Variants in ENTREP2 observed in about 807,000 individuals in gnomAD.
ENTREP2 encodes protein ENTREP2.
chr15:29,351,561 C>G, the ENTREP2 span, among the ~76,000 whole-genome samples: 1 of 152,156 alleles, frequency 6.6e-6, no homozygotes, highest in Non-Finnish European at 1.5e-5. Flanking sequence ...AGATGATTAA[C>G]AATATCAATA....
the ENTREP2 span, among the ~76,000 whole-genome samples, chr15:29,638,550 T>C: frequency 1.6e-3 from 244 of 152,312 alleles, 1 homozygote; most frequent in East Asian, 0.039. Context: ...TAAAAAGTTT[T>C]AGTGAGAATA....
At chr15:29,402,265 T>TATATATAC in the ENTREP2 span, among the ~76,000 whole-genome samples, 7 of 137,792 alleles carry the variant, frequency 5.1e-5, no homozygotes, top group Admixed American at 7.5e-5. Context: ...TATATATATA[T>TATATATAC]ACACACACAT....
chr15:29,625,820 T>C, the ENTREP2 span, among the ~76,000 whole-genome samples: 1 of 152,180 alleles, frequency 6.6e-6, no homozygotes, highest in African/African-American at 2.4e-5. Context: ...TTATGCCTAT[T>C]TTTATATTTT....
chr15:29,268,819 T>G, the ENTREP2 span: 1 of 1,612,616 alleles, frequency 6.2e-7, no homozygotes, highest in South Asian at 1.1e-5. Flanking sequence ...GCCACTAGGC[T>G]GAGGTCTGGC....
chr15:29,156,450 A>G, the ENTREP2 span, among the ~76,000 whole-genome samples: 1 of 152,054 alleles, frequency 6.6e-6, no homozygotes. Context: ...GGCCTCCCAA[A>G]GTGCTGGGAT....
the ENTREP2 span, among the ~76,000 whole-genome samples, chr15:29,220,111 C>T: frequency 6.6e-6 from 1 of 152,186 alleles, no homozygotes; most frequent in East Asian, 1.9e-4. Context: ...ATGGCAGCAG[C>T]CCTGGCCACC....
chr15:29,436,957 G>A, the ENTREP2 span, among the ~76,000 whole-genome samples: 1 of 152,146 alleles, frequency 6.6e-6, no homozygotes, highest in African/African-American at 2.4e-5. Context: ...TCCTGTCCAA[G>A]AACTCAGAAG....
At chr15:29,447,927 G>T in the ENTREP2 span, among the ~76,000 whole-genome samples, 13 of 151,972 alleles carry the variant, frequency 8.6e-5, no homozygotes, top group African/African-American at 3.1e-4. Context: ...TTAGCTGGGC[G>T]TGGTGGCAAG....
the ENTREP2 span, among the ~76,000 whole-genome samples, chr15:29,136,845 T>C: frequency 3.9e-5 from 6 of 152,228 alleles, no homozygotes; most frequent in Non-Finnish European, 8.8e-5. Context: ...AACACCTGTC[T>C]GCCTCCGGCT....
At chr15:29,244,280 G>A in the ENTREP2 span, among the ~76,000 whole-genome samples, 3 of 152,210 alleles carry the variant, frequency 2.0e-5, no homozygotes, top group African/African-American at 4.8e-5. Context: ...GGATGGAAGC[G>A]AATACCTCCC....
the ENTREP2 span, among the ~76,000 whole-genome samples, chr15:29,569,304 G>A: frequency 1.3e-5 from 2 of 152,130 alleles, no homozygotes; most frequent in African/African-American, 4.8e-5. Flanking sequence ...CACCTGTATC[G>A]ATCGAGGTGT....
At chr15:29,446,559 C>T in the ENTREP2 span, among the ~76,000 whole-genome samples, 1 of 152,212 alleles carries the variant, frequency 6.6e-6, no homozygotes, top group African/African-American at 2.4e-5. Context: ...CCTCGGTCCC[C>T]AGTGGCACCA....
chr15:29,137,257 G>A, the ENTREP2 span: 3 of 1,369,136 alleles, frequency 2.2e-6, no homozygotes, highest in Non-Finnish European at 2.9e-6. Context: ...GTCTCATTAA[G>A]CTAATTATAC....
chr15:29,588,720 C>T, the ENTREP2 span, among the ~76,000 whole-genome samples: 4 of 151,768 alleles, frequency 2.6e-5, no homozygotes, highest in African/African-American at 4.8e-5. Flanking sequence ...AACTATAGGC[C>T]GGGGCTGTGA....
the ENTREP2 span, among the ~76,000 whole-genome samples, chr15:29,411,398 A>T: frequency 6.6e-6 from 1 of 152,154 alleles, no homozygotes; most frequent in African/African-American, 2.4e-5. Flanking sequence ...TAGTAGGTGT[A>T]AACGATTTCT....
chr15:29,461,776 A>G, the ENTREP2 span, among the ~76,000 whole-genome samples: 1 of 151,904 alleles, frequency 6.6e-6, no homozygotes, highest in African/African-American at 2.4e-5. Context: ...CCCGGCCATC[A>G]TTTTCACCAG....
the ENTREP2 span, among the ~76,000 whole-genome samples, chr15:29,659,883 C>T: frequency 2.0e-5 from 3 of 151,962 alleles, no homozygotes; most frequent in Non-Finnish European, 4.4e-5. Context: ...ACTGCAACCT[C>T]CGCCTCCCAG....
chr15:29,309,343 TTC>T, the ENTREP2 span, among the ~76,000 whole-genome samples: 4 of 152,162 alleles, frequency 2.6e-5, no homozygotes, highest in Non-Finnish European at 5.9e-5. Flanking sequence ...GGTAATTAGT[TTC>T]CATGACACAA....
At chr15:29,520,736 C>A in the ENTREP2 span, among the ~76,000 whole-genome samples, 1 of 152,072 alleles carries the variant, frequency 6.6e-6, no homozygotes, top group Non-Finnish European at 1.5e-5. Flanking sequence ...AATACAAGAG[C>A]AATATACAAG....
Sources: gnomAD v4.1 joint callset for allele counts (sites outside exome capture counted in the v4.1 genomes callset) on GRCh38, gnomAD v4.1.1 for gene constraint, MANE v1.5 for transcripts, NCBI Gene and HGNC (gene_info 2026-07-23, HGNC 2026-07-21) for gene names.